TPRX2: variants seen among roughly 807,000 people sequenced by gnomAD.
TPRX2 encodes the protein tetrapeptide repeat homeobox protein 2.
the TPRX2 span, chr19:47,861,395 C>T: frequency 1.9e-6 from 1 of 517,978 alleles, no homozygotes; most frequent in South Asian, 1.5e-5. Context: ...CCAAGCTGCT[C>T]CCGCTCCTAG....
chr19:47,860,707 G>C, the TPRX2 span: 1 of 1,301,778 alleles, frequency 7.7e-7, no homozygotes, highest in Middle Eastern at 2.9e-4. Context: ...GGTGAACACC[G>C]GGAGAGTTTT....
At chr19:47,861,390 C>A in the TPRX2 span, 1 of 505,336 alleles carries the variant, frequency 2.0e-6, no homozygotes, top group South Asian at 1.5e-5. Context: ...CTTCACCAAG[C>A]TGCTCCCGCT....
the TPRX2 span, chr19:47,861,286 GC>G: frequency 2.0e-6 from 1 of 496,556 alleles, no homozygotes; most frequent in Non-Finnish European, 4.0e-6. Flanking sequence ...CTGATGCCAG[GC>G]CCAGGATCAC....
chr19:47,860,506 C>G, the TPRX2 span, among the ~76,000 whole-genome samples: 2 of 151,704 alleles, frequency 1.3e-5, no homozygotes, highest in African/African-American at 4.8e-5. Context: ...TCTCCCGGTG[C>G]CCGGACCTCA....
chr19:47,861,039 C>T, the TPRX2 span: 8 of 859,412 alleles, frequency 9.3e-6, no homozygotes, highest in East Asian at 7.9e-5. Context: ...CAGCCTCCCC[C>T]GGACCTGGGG....
chr19:47,860,643 T>G, the TPRX2 span, among the ~76,000 whole-genome samples: 5 of 98,644 alleles, frequency 5.1e-5, no homozygotes, highest in Middle Eastern at 5.2e-3. Flanking sequence ...CCCTCTTCCC[T>G]CCCTTCTCCA....
the TPRX2 span, chr19:47,861,409 G>T: frequency 5.3e-6 from 3 of 563,136 alleles, no homozygotes; most frequent in Admixed American, 2.3e-5. Flanking sequence ...CTCCTAGACC[G>T]GTTCGAGGAA....
chr19:47,859,702 G>A, the TPRX2 span, among the ~76,000 whole-genome samples: 3 of 148,908 alleles, frequency 2.0e-5, no homozygotes, highest in Admixed American at 6.7e-5. Flanking sequence ...GACAGAGCGA[G>A]ATCCCCTCCA....
chr19:47,860,432 C>T, the TPRX2 span: 2 of 661,458 alleles, frequency 3.0e-6, no homozygotes, highest in African/African-American at 3.7e-5. Context: ...ATCCTGAGTC[C>T]TGTTCCAACT....
the TPRX2 span, chr19:47,861,111 A>AT: frequency 1.4e-6 from 1 of 704,338 alleles, no homozygotes; most frequent in Non-Finnish European, 2.6e-6. Context: ...CCCTGGCCCA[A>AT]TCCCAGCCCC....
the TPRX2 span, chr19:47,860,245 TG>T: frequency 6.5e-7 from 1 of 1,527,282 alleles, no homozygotes; most frequent in Non-Finnish European, 8.9e-7. Flanking sequence ...CGACTGAATC[TG>T]GCGGAGATGC....
At chr19:47,861,319 C>T in the TPRX2 span, 1 of 480,484 alleles carries the variant, frequency 2.1e-6, no homozygotes, top group Non-Finnish European at 4.1e-6. Context: ...GCCCCAGGCG[C>T]CTTGTGGCCT....
At chr19:47,861,161 C>A in the TPRX2 span, 1 of 683,582 alleles carries the variant, frequency 1.5e-6, no homozygotes, top group Non-Finnish European at 2.7e-6. Flanking sequence ...CAGTCCCAGG[C>A]CCAGCCCCGA....
chr19:47,860,703 C>A, the TPRX2 span: 1 of 1,332,698 alleles, frequency 7.5e-7, no homozygotes, highest in Non-Finnish European at 9.9e-7. Flanking sequence ...TGGGGGTGAA[C>A]ACCGGGAGAG....
chr19:47,861,556 A>C, the TPRX2 span: 1 of 1,205,214 alleles, frequency 8.3e-7, no homozygotes, highest in Non-Finnish European at 1.1e-6. Flanking sequence ...GAGGGCCTGG[A>C]GTGGCTGATC....
chr19:47,860,678 A>G, the TPRX2 span: 1 of 1,096,122 alleles, frequency 9.1e-7, no homozygotes, highest in Middle Eastern at 3.2e-4. Context: ...GGGCCCTCAT[A>G]TGGTGGGTGC....
At chr19:47,860,841 C>A in the TPRX2 span, 1 of 1,532,658 alleles carries the variant, frequency 6.5e-7, no homozygotes. Flanking sequence ...AGCTCGGGAG[C>A]GGCGGCTCCA....
chr19:47,860,701 A>C, the TPRX2 span: 1 of 1,211,670 alleles, frequency 8.3e-7, no homozygotes. Flanking sequence ...GGTGGGGGTG[A>C]ACACCGGGAG....
chr19:47,861,391 T>G, the TPRX2 span: 1 of 508,042 alleles, frequency 2.0e-6, no homozygotes, highest in African/African-American at 2.0e-5. Context: ...TTCACCAAGC[T>G]GCTCCCGCTC....
Sources: gnomAD v4.1 joint callset for allele counts (sites outside exome capture counted in the v4.1 genomes callset) on GRCh38, gnomAD v4.1.1 for gene constraint, MANE v1.5 for transcripts, NCBI Gene and HGNC (gene_info 2026-07-23, HGNC 2026-07-21) for gene names.